PCSK9: variants seen among roughly 807,000 people sequenced by gnomAD.
PCSK9 encodes the protein proprotein convertase subtilisin/kexin type 9, also known as convertase subtilisin/kexin type 9 preproprotein.
PCSK9 carries 57 observed loss-of-function variants against 62.1 expected under a neutral mutation model. The observed-to-expected ratio is 0.92, with a 90% CI of 0.74 to 1.14. The LOEUF (loss-of-function observed/expected upper bound fraction) is 1.14. Among genes scored for constraint, PCSK9 ranks in the 50% most tolerant of loss-of-function variants. The pLI is 0.00. For synonymous variants in PCSK9, 387 were observed against 409.4 expected (o/e 0.95, Z 0.66); for missense variants, 870 against 959.8 (o/e 0.91, Z 1.24).
intron 8 of PCSK9, 54 bp downstream of exon 8, chr1:55,058,263 T>C: frequency 6.3e-7 from 1 of 1,582,352 alleles, no homozygotes; most frequent in South Asian, 1.1e-5. Context: ...GAGGTCTGTG[T>C]GACCTTGACA....
In PCSK9 at chr1:55,040,028, T is replaced by C; in HGVS notation, c.191T>C (p.Phe64Ser). The C allele has an allele frequency of 6.4e-7, 1 of 1,570,538 alleles. No individual in the cohort carries two copies. The highest frequency in any genetic ancestry group is 1.2e-5 in the South Asian group (1 of 85,414). ...EAPEHGTTAT[F>S]HRCAKDPWRL... is the part of the protein sequence containing the mutation. ...CCCGAGCACGGAACCACAGCCACCT[T>C]CCACCGCTGCGCCAAGGTGCGGGTG... is the stretch of plus-strand genomic sequence containing the variant. Residue 64 changes from phenylalanine (F) to serine (S), a missense_variant, in exon 1 of 12, where the codon TTC (phenylalanine) becomes TCC (serine). By Grantham distance (155) the Phe-to-Ser change is radical. Transcript: ENST00000302118. The surrounding 1 kb of genome is among the most constrained non-coding windows in gnomAD (Gnocchi z 4.1).
intron 7 of PCSK9, among the ~76,000 whole-genome samples, chr1:55,057,768 G>A (rs1218737574): frequency 1.3e-5 from 2 of 152,244 alleles, no homozygotes; most frequent in Non-Finnish European, 2.9e-5. Context: ...GCATCTTGGA[G>A]GAGGGACATT....
chr1:55,046,958 G>T (rs1000386173), intron 3 of PCSK9, among the ~76,000 whole-genome samples: 1 of 152,094 alleles, frequency 6.6e-6, no homozygotes, highest in African/African-American at 2.4e-5. Context: ...TCATCTGATG[G>T]TGACTCTACC....
rs397735050 is a variant in PCSK9, at chr1:55,052,517, A to ACC, written c.657+113_657+114dup. 1.0e-5 allele frequency: 16 copies of ACC among 1,595,616 alleles called. 1 individual carries two copies. Among genetic ancestry groups the ACC allele is most frequent in the South Asian group, 3.3e-5 (3 of 90,056 alleles). On this transcript the variant is annotated intron_variant, in intron 4 of 11. Coordinates refer to ENST00000302118, the MANE Select transcript of PCSK9 (RefSeq NM_174936.4). Reference sequence around the variant, plus strand: ...CGTTGCAGCTGTACTCCTGGGTTGCACCCCCCCCAGCTGTCACTGTCCCCT... The same window carrying ACC: ...CGTTGCAGCTGTACTCCTGGGTTGCACCCCCCCCCCAGCTGTCACTGTCCCCT...
intron 6 of PCSK9, among the ~76,000 whole-genome samples, chr1:55,056,412 T>G (rs977512935): frequency 1.3e-5 from 2 of 152,104 alleles, no homozygotes; most frequent in South Asian, 2.1e-4. Context: ...AGAGTCTGAA[T>G]AGCAGTGGCC....
intron 11 of PCSK9, among the ~76,000 whole-genome samples, chr1:55,063,135 C>T (rs2100342282): frequency 6.6e-6 from 1 of 152,200 alleles, no homozygotes; most frequent in Non-Finnish European, 1.5e-5. Flanking sequence ...ATCTCCACGG[C>T]CCTCAAACCA....
intron 4 of PCSK9, 110 bp from the exon 5 acceptor site, chr1:55,052,540 C>T: frequency 1.2e-6 from 2 of 1,603,652 alleles, no homozygotes; most frequent in Non-Finnish European, 1.7e-6. Context: ...GTCACTGTCC[C>T]CTCCCTGCCA....
Position 55,044,044 on chromosome 1 carries a change from C to G in PCSK9, c.399+10C>G, listed in dbSNP as rs112710386. ...CGACCTGCTGGAGCTGGTGAGCCACCCTTTTTGGGAATGGCACTTCCTGAT... is the reference window on the plus strand; with the variant it reads ...CGACCTGCTGGAGCTGGTGAGCCACGCTTTTTGGGAATGGCACTTCCTGAT... On this transcript the variant is annotated intron_variant, in intron 2 of 11. Coordinates refer to ENST00000302118, the MANE Select transcript of PCSK9 (RefSeq NM_174936.4). 5.1e-5 allele frequency: 82 copies of G among 1,614,004 alleles called. No individual in the cohort carries two copies. In the South Asian group the frequency reaches 7.0e-4, roughly 14 times the overall value.
chr1:55,056,079 G>A lies in PCSK9; in HGVS notation c.886G>A (p.Val296Ile), dbSNP rs771594920. 9 of 1,596,118 alleles carry A rather than the reference G, an allele frequency of 5.6e-6. No individual in the cohort carries two copies. The Admixed American group carries it at 1.0e-4, about 18-fold the overall frequency. Residue 296 changes from valine to isoleucine, a missense_variant, in exon 6 of 12, where the codon GTC (valine) becomes ATC (isoleucine). By Grantham distance (29) the Val-to-Ile change is conservative (BLOSUM62 3). Transcript: ENST00000302118. ...LLPLAGGYSRVLNAACQRLAR... is the reference protein window; with the variant it reads ...LLPLAGGYSRILNAACQRLAR... ...GCCCCTGGCGGGTGGGTACAGCCGC[G>A]TCCTCAACGCCGCCTGCCAGCGCCT...
At chr1:55,051,671 C>T (rs572512) in intron 3 of PCSK9, 71,491 of 203,198 alleles carry the variant, frequency 0.35, 14,238 homozygotes, top group East Asian at 0.76. Flanking sequence ...GTAGGGTAGG[C>T]GCTCGGTGAC....
At chr1:55,049,997 CG>C (rs1314682950) in intron 3 of PCSK9, among the ~76,000 whole-genome samples, 2 of 19,212 alleles carry the variant, frequency 1.0e-4, no homozygotes. Flanking sequence ...TCCTCACACA[CG>C]ACGAGGAACA....
At chr1:55,045,669 G>A (rs1364388830) in intron 2 of PCSK9, among the ~76,000 whole-genome samples, 1 of 151,838 alleles carries the variant, frequency 6.6e-6, no homozygotes, top group African/African-American at 2.4e-5. Context: ...GGAGTCAGGA[G>A]GTAGGGAGGG....
chr1:55,048,457 T>C (rs1001392299), intron 3 of PCSK9, among the ~76,000 whole-genome samples: 7 of 152,216 alleles, frequency 4.6e-5, no homozygotes, highest in Admixed American at 1.3e-4. Flanking sequence ...CGTGGGGCCC[T>C]TTCTTCCCCA....
chr1:55,052,603 G>A (rs1486641641), intron 4 of PCSK9, 47 bp from the exon 5 acceptor site: 6 of 1,610,276 alleles, frequency 3.7e-6, no homozygotes, highest in Non-Finnish European at 5.1e-6. Flanking sequence ...TTTGTTATAG[G>A]GTGGAGGGGG....
At chr1:55,055,601 C>T (rs149253579) in intron 5 of PCSK9, among the ~76,000 whole-genome samples, 1 of 152,124 alleles carries the variant, frequency 6.6e-6, no homozygotes, top group Non-Finnish European at 1.5e-5. Context: ...CTCATGTGAC[C>T]GTGCGGGCTG....
chr1:55,062,871 T>C (rs1557509453), intron 11 of PCSK9, among the ~76,000 whole-genome samples: 2 of 151,876 alleles, frequency 1.3e-5, no homozygotes, highest in Middle Eastern at 3.4e-3. Context: ...TGAGAAGAGA[T>C]GACAAGGACC....
chr1:55,057,354 T>C lies in PCSK9; in HGVS notation c.1020T>C (p.Asn340=), dbSNP rs769782435. The C allele has an allele frequency of 5.0e-5, 81 of 1,613,806 alleles. No individual in the cohort carries two copies. Among genetic ancestry groups the C allele is most frequent in the Non-Finnish European group, 6.8e-5 (80 of 1,179,962 alleles). Reference sequence around the variant, plus strand: ...AGGTCATCACAGTTGGGGCCACCAATGCCCAAGACCAGCCGGTGACCCTGG... The same window carrying C: ...AGGTCATCACAGTTGGGGCCACCAACGCCCAAGACCAGCCGGTGACCCTGG... ...APEVITVGAT[N]AQDQPVTLGT... Residue 340 remains asparagine (N), a synonymous_variant, in exon 7 of 12, where the codon AAT becomes AAC. Coordinates refer to ENST00000302118, the MANE Select transcript of PCSK9 (RefSeq NM_174936.4).
At position 55,052,520 on chromosome 1, in the gene PCSK9, C is replaced by T; in HGVS notation, c.657+109C>T. On this transcript the variant is annotated intron_variant, in intron 4 of 11. Transcript: ENST00000302118. ...TGCAGCTGTACTCCTGGGTTGCACC[C>T]CCCCCAGCTGTCACTGTCCCCTCCC... 5.0e-6 allele frequency: 8 copies of T among 1,602,716 alleles called. No individual in the cohort carries two copies. In the South Asian group the frequency reaches 8.8e-5, roughly 18 times the overall value.
rs796694326 is a variant in PCSK9 at position 55,064,464 on chromosome 1, C to G, written c.*880C>G. On this transcript the variant is annotated 3_prime_UTR_variant, in exon 12 of 12. Coordinates refer to ENST00000302118, the MANE Select transcript of PCSK9 (RefSeq NM_174936.4). ...GGCTCTGAAGCCAAGCCTCTTCTTA[C>G]TTCACCCGGCTGGGCTCCTCATTTT... is the stretch of plus-strand genomic sequence containing the variant. 6 of 152,386 alleles carry G rather than the reference C, an allele frequency of 3.9e-5. No homozygotes were observed. Among genetic ancestry groups the G allele is most frequent in the African/African-American group, 1.4e-4 (6 of 41,584 alleles). 9.4% of individuals were successfully genotyped at this position (152,386 alleles called of 1,614,324 possible).
Sources: allele counts gnomAD v4.1 joint callset (sites outside exome capture counted in the v4.1 genomes callset), GRCh38; gene constraint gnomAD v4.1.1; non-coding constraint Gnocchi (gnomAD v3.1); transcripts MANE v1.5; gene names NCBI Gene and HGNC (gene_info 2026-07-23, HGNC 2026-07-21).